TJP1: variants seen among roughly 807,000 people sequenced by gnomAD.
The protein encoded by TJP1 is tight junction protein 1, also known as tight junction protein ZO-1.
A neutral mutation model predicts 194.2 loss-of-function variants in TJP1; 43 were observed. The ratio of observed to expected loss-of-function variants is 0.22; its 90% CI spans 0.17 to 0.29. The LOEUF is 0.29. TJP1 is among the 10% of genes least tolerant of loss of function. TJP1 has a pLI of 1.00. For synonymous variants in TJP1, 801 were observed against 779.0 expected (o/e 1.03, Z -0.47); for missense variants, 1,971 against 2,185.7 (o/e 0.90, Z 1.96).
At chr15:29,716,875 A>G (rs750127685) in intron 22 of TJP1, 37 bp from the exon 23 acceptor site, 2 of 1,519,218 alleles carry the variant, frequency 1.3e-6, no homozygotes, top group Non-Finnish European at 1.8e-6. Flanking sequence ...ACACCTTTTT[A>G]AATATTAATG....
At chr15:29,722,264 A>T (rs958972026) in intron 18 of TJP1, among the ~76,000 whole-genome samples, 1 of 152,190 alleles carries the variant, frequency 6.6e-6, no homozygotes, top group African/African-American at 2.4e-5. Context: ...CTGGAGGCCT[A>T]GGAGGGAAAA....
chr15:29,848,010 T>C (rs1461177985), intron 2 of TJP1, among the ~76,000 whole-genome samples: 2 of 152,206 alleles, frequency 1.3e-5, no homozygotes, highest in Admixed American at 6.5e-5. Flanking sequence ...GTTTAAAGCT[T>C]TTTCCTGTTG....
intron 1 of TJP1, among the ~76,000 whole-genome samples, chr15:29,966,564 T>TC (rs201149207): frequency 0.021 from 3,252 of 152,128 alleles, 99 homozygotes; most frequent in African/African-American, 0.075. Context: ...AAAACAGATT[T>TC]CCTAACATAT....
At chr15:29,815,103 C>A (rs1264782329) in intron 1 of TJP1, among the ~76,000 whole-genome samples, 1 of 152,148 alleles carries the variant, frequency 6.6e-6, no homozygotes, top group Non-Finnish European at 1.5e-5. Context: ...ACATACTGCT[C>A]ATTATTAAGA....
At chr15:29,721,473 C>A (rs2042924603) in intron 18 of TJP1, among the ~76,000 whole-genome samples, 1 of 152,128 alleles carries the variant, frequency 6.6e-6, no homozygotes, top group Non-Finnish European at 1.5e-5. Flanking sequence ...GAAGCAGAAG[C>A]CTGTACAGCC....
At chr15:29,863,523 A>G (rs1230396724) in intron 2 of TJP1, among the ~76,000 whole-genome samples, 4 of 152,134 alleles carry the variant, frequency 2.6e-5, no homozygotes, top group Non-Finnish European at 5.9e-5. Context: ...GGGAGGAGGC[A>G]GAGGCAAGCT....
chr15:29,852,033 A>C (rs2051661928), intron 2 of TJP1, among the ~76,000 whole-genome samples: 1 of 152,230 alleles, frequency 6.6e-6, no homozygotes, highest in African/African-American at 2.4e-5. Flanking sequence ...TTAAGGTAAA[A>C]AATGAGAAAA....
At chr15:29,858,997 GA>G (rs1339405250) in intron 2 of TJP1, among the ~76,000 whole-genome samples, 3 of 152,040 alleles carry the variant, frequency 2.0e-5, no homozygotes, top group African/African-American at 2.4e-5. Flanking sequence ...CCAACCTGAA[GA>G]ATTATTTCTA....
At chr15:29,749,874 G>T (rs186229491) in intron 8 of TJP1, among the ~76,000 whole-genome samples, 1 of 152,118 alleles carries the variant, frequency 6.6e-6, no homozygotes, top group Non-Finnish European at 1.5e-5. Context: ...ACGGAGTCAC[G>T]CTCTGTCACC....
chr15:29,944,360 G>T (rs2055200105), intron 2 of TJP1, among the ~76,000 whole-genome samples: 1 of 152,110 alleles, frequency 6.6e-6, no homozygotes, highest in South Asian at 2.1e-4. Context: ...CTCCCAAAGT[G>T]CTGGGATTAC....
At chr15:29,857,172 C>G (rs1448809756) in intron 2 of TJP1, among the ~76,000 whole-genome samples, 2 of 151,976 alleles carry the variant, frequency 1.3e-5, no homozygotes, top group African/African-American at 4.8e-5. Flanking sequence ...TTTCTATAAT[C>G]TTATATTGGG....
chr15:29,833,736 G>C (rs2050908843), intron 2 of TJP1, among the ~76,000 whole-genome samples: 1 of 149,960 alleles, frequency 6.7e-6, no homozygotes, highest in South Asian at 2.1e-4. Flanking sequence ...TTTAATCTTT[G>C]ATGAATATAG....
At position 29,733,204 on chromosome 15, in the gene TJP1, C is replaced by T. The variant is rs765245030; in HGVS notation, c.1626G>A (p.Val542=). The part of the protein sequence containing the change: ...PYGLSFNKGE[V]FRVVDTLYNG... ...TGTACAAGGTATCCACAACACGGAA[C>T]ACCTCTCCTTTGTTAAAACTAAGTC... The change falls in exon 13 of 28, where the codon GTG becomes GTA. Residue 542 remains valine (V), a synonymous_variant. Transcript: ENST00000614355. The T allele has an allele frequency of 1.2e-6, 2 of 1,614,068 alleles. No homozygotes were observed. Among genetic ancestry groups the T allele is most frequent in the Admixed American group, 3.3e-5 (2 of 60,022 alleles).
chr15:29,723,098 G>C (rs138227735), intron 18 of TJP1, among the ~76,000 whole-genome samples: 8 of 152,292 alleles, frequency 5.3e-5, no homozygotes, highest in Non-Finnish European at 1.0e-4. Context: ...TTGAACTTCT[G>C]AGTTAATGCT....
chr15:29,773,138 G>A, intron 3 of TJP1, 95 bp downstream of exon 3: 1 of 1,428,952 alleles, frequency 7.0e-7, no homozygotes, highest in East Asian at 2.4e-5. Context: ...GTGTGAATAT[G>A]ACAAAATCAC....
intron 2 of TJP1, among the ~76,000 whole-genome samples, chr15:29,861,914 C>T (rs1408144419): frequency 2.0e-5 from 3 of 152,058 alleles, no homozygotes; most frequent in Non-Finnish European, 4.4e-5. Context: ...AGCAACCATT[C>T]CTTAATCCAA....
intron 1 of TJP1, among the ~76,000 whole-genome samples, chr15:29,967,134 C>G (rs967497905): frequency 6.6e-6 from 1 of 152,034 alleles, no homozygotes; most frequent in Non-Finnish European, 1.5e-5. Flanking sequence ...CTGCCTCAGC[C>G]TCCCAAGTAG....
At chr15:29,744,771 G>A (rs1478140710) in intron 8 of TJP1, among the ~76,000 whole-genome samples, 3 of 152,032 alleles carry the variant, frequency 2.0e-5, no homozygotes, top group Admixed American at 1.3e-4. Context: ...ACTCATCGTC[G>A]ACAATTATCA....
intron 20 of TJP1, 44 bp from the exon 21 acceptor site, chr15:29,719,182 T>C: frequency 6.6e-7 from 1 of 1,512,554 alleles, no homozygotes; most frequent in Non-Finnish European, 8.8e-7. Flanking sequence ...TTGTTTCTAA[T>C]TCTAGTCTAT....
Sources: allele counts gnomAD v4.1 joint callset (sites outside exome capture counted in the v4.1 genomes callset), GRCh38; gene constraint gnomAD v4.1.1; transcripts MANE v1.5; gene names NCBI Gene and HGNC (gene_info 2026-07-23, HGNC 2026-07-21).